ANKFN1: variants seen among roughly 807,000 people sequenced by gnomAD.
ANKFN1 encodes ankyrin repeat and fibronectin type III domain containing 1.
In ANKFN1, 74 loss-of-function variants were observed where a neutral mutation model predicts 108.7. The ratio of observed to expected loss-of-function variants is 0.68; its 90% CI spans 0.56 to 0.83. The LOEUF is 0.83. ANKFN1 is among the 40% of genes least tolerant of loss of function. The probability of loss-of-function intolerance (pLI) is 0.00; values close to 1 mark genes in which losing one functional copy is unlikely to be tolerated. For missense variants in ANKFN1, 1,505 were observed against 1,382.3 expected (o/e 1.09, Z -1.41); for synonymous variants, 547 against 516.2 (o/e 1.06, Z -0.81).
intron 18 of ANKFN1, among the ~76,000 whole-genome samples, chr17:56,483,210 A>G (rs997042885): frequency 2.6e-5 from 4 of 151,986 alleles, no homozygotes; most frequent in Middle Eastern, 3.4e-3. Flanking sequence ...TTTTGCAGAG[A>G]CCCCTGCTGC....
chr17:56,370,681 A>C (rs1474297633), intron 6 of ANKFN1, among the ~76,000 whole-genome samples: 2 of 152,172 alleles, frequency 1.3e-5, no homozygotes, highest in Non-Finnish European at 2.9e-5. Context: ...ACAAACTCTG[A>C]CGCCTAACCT....
chr17:56,178,873 A>G (rs1320854338), intron 1 of ANKFN1, among the ~76,000 whole-genome samples: 1 of 152,180 alleles, frequency 6.6e-6, no homozygotes. Flanking sequence ...CATAGGATAA[A>G]TGTCCCTTAA....
chr17:56,375,074 C>A (rs930484740), intron 8 of ANKFN1, among the ~76,000 whole-genome samples: 27 of 152,178 alleles, frequency 1.8e-4, no homozygotes, highest in African/African-American at 6.5e-4. Flanking sequence ...TGATATGGAA[C>A]ATACTAAGTA....
intron 4 of ANKFN1, among the ~76,000 whole-genome samples, chr17:56,338,579 C>A (rs1196418619): frequency 6.6e-6 from 1 of 151,974 alleles, no homozygotes; most frequent in Admixed American, 6.6e-5. Context: ...GTTTCCTTGT[C>A]CAGTCTTTTT....
chr17:56,101,886 G>T (rs771394745), intron 4 of ANKFN1, among the ~76,000 whole-genome samples: 1 of 152,174 alleles, frequency 6.6e-6, no homozygotes, highest in Non-Finnish European at 1.5e-5. Context: ...GTCTCTGGAG[G>T]TAGGGCTATA....
At position 56,272,192 on chromosome 17, in the gene ANKFN1, G is replaced by A. The variant is rs75955157; in HGVS notation, c.53+44235G>A. Among the ~76,000 whole-genome samples the A allele has an allele frequency of 3.3e-3, 509 of 152,146 alleles. 2 individuals carry two copies. The highest frequency in any genetic ancestry group is 0.011 in the African/African-American group (446 of 41,520). On this transcript the variant is annotated intron_variant, in intron 3 of 20. Transcript: ENST00000682825. ...CTATCTTAACCACTTCAAATGCACC[G>A]TTCAGTGGCATTAAGTACATTGATA... is the stretch of plus-strand genomic sequence containing the variant.
At chr17:56,244,556 A>G (rs183984019) in intron 3 of ANKFN1, among the ~76,000 whole-genome samples, 13 of 152,262 alleles carry the variant, frequency 8.5e-5, no homozygotes, top group Admixed American at 4.6e-4. Context: ...TGAATGAGTG[A>G]GTGATGTTAC....
chr17:56,151,965 AC>A (rs1327047469), upstream of ANKFN1, among the ~76,000 whole-genome samples: 1 of 145,720 alleles, frequency 6.9e-6, no homozygotes, highest in African/African-American at 2.6e-5. Context: ...TTCCTATGTA[AC>A]AAGCGTTTTA....
chr17:56,215,438 G>C (rs1427463634), intron 2 of ANKFN1, among the ~76,000 whole-genome samples: 3 of 152,208 alleles, frequency 2.0e-5, no homozygotes, highest in Non-Finnish European at 2.9e-5. Flanking sequence ...AGAAGGCTGA[G>C]ACAGAGGTGA....
chr17:56,399,385 G>A (rs1017671043), intron 8 of ANKFN1, among the ~76,000 whole-genome samples: 12 of 151,408 alleles, frequency 7.9e-5, no homozygotes, highest in South Asian at 6.2e-4. Context: ...ACAACTATGA[G>A]CAAAGTAAAT....
intron 3 of ANKFN1, among the ~76,000 whole-genome samples, chr17:56,306,830 C>T (rs1262713577): frequency 6.6e-6 from 1 of 152,164 alleles, no homozygotes; most frequent in Non-Finnish European, 1.5e-5. Flanking sequence ...TCAAACTATA[C>T]TACAAGGCTA....
chr17:56,463,401 A>G (rs1261676268), intron 14 of ANKFN1, among the ~76,000 whole-genome samples: 1 of 152,200 alleles, frequency 6.6e-6, no homozygotes, highest in African/African-American at 2.4e-5. Context: ...AAAAAAGCAG[A>G]CAAAATTTTA....
chr17:56,098,900 A>T (rs557274024), intron 4 of ANKFN1, among the ~76,000 whole-genome samples: 1 of 151,956 alleles, frequency 6.6e-6, no homozygotes, highest in East Asian at 1.9e-4. Flanking sequence ...GCTAGATAAA[A>T]GGAAGAGAAG....
intron 8 of ANKFN1, among the ~76,000 whole-genome samples, chr17:56,422,266 T>C (rs556081094): frequency 1.7e-3 from 264 of 152,352 alleles, no homozygotes; most frequent in African/African-American, 5.7e-3. Flanking sequence ...TTGTCACAAA[T>C]GTTTTATTGG....
At chr17:56,073,656 G>A (rs1905146352) in intron 4 of ANKFN1, among the ~76,000 whole-genome samples, 1 of 152,200 alleles carries the variant, frequency 6.6e-6, no homozygotes, top group Admixed American at 6.5e-5. Context: ...TACCAATTAA[G>A]CTGTTACTCC....
chr17:56,101,709 T>C (rs1482452530), intron 4 of ANKFN1, among the ~76,000 whole-genome samples: 1 of 152,162 alleles, frequency 6.6e-6, no homozygotes, highest in Admixed American at 6.5e-5. Flanking sequence ...GTTCCATGAA[T>C]GAGCTGAGGG....
chr17:56,303,131 C>A (rs990027622), intron 3 of ANKFN1, among the ~76,000 whole-genome samples: 2 of 152,192 alleles, frequency 1.3e-5, no homozygotes, highest in African/African-American at 4.8e-5. Flanking sequence ...AATTTTCAGA[C>A]AAGTAATTTT....
chr17:56,176,600 T>C (rs939962570), intron 1 of ANKFN1, among the ~76,000 whole-genome samples: 1 of 152,154 alleles, frequency 6.6e-6, no homozygotes, highest in African/African-American at 2.4e-5. Flanking sequence ...ATTTCGAATA[T>C]CGTTGGCCCT....
intron 16 of ANKFN1, among the ~76,000 whole-genome samples, chr17:56,478,731 A>G (rs1206006658): frequency 6.6e-6 from 1 of 152,154 alleles, no homozygotes; most frequent in Admixed American, 6.5e-5. Flanking sequence ...CAAGAAAAAA[A>G]AAAGAAAGAA....
Sources: gnomAD v4.1 joint callset for allele counts (sites outside exome capture counted in the v4.1 genomes callset) on GRCh38, gnomAD v4.1.1 for gene constraint, MANE v1.5 for transcripts, NCBI Gene and HGNC (gene_info 2026-07-23, HGNC 2026-07-21) for gene names.